Variants in FBN1 observed in about 807,000 individuals in gnomAD.
FBN1 encodes fibrillin 1.
FBN1 carries 29 observed loss-of-function variants against 365.1 expected under a neutral mutation model. The observed-to-expected ratio is 0.08, with a 90% CI of 0.06 to 0.11. The LOEUF is 0.11. Among genes scored for constraint, FBN1 ranks in the 10% least tolerant of loss-of-function variants. The probability of loss-of-function intolerance (pLI) is 1.00; values close to 1 mark genes in which losing one functional copy is unlikely to be tolerated. For missense variants in FBN1, 2,476 were observed against 3,703.2 expected, an observed-to-expected ratio of 0.67 and a Z score of 8.60; for synonymous variants, 1,210 against 1,270.5, an observed-to-expected ratio of 0.95 and a Z score of 1.01.
rs1566928785 is a variant in FBN1, at chr15:48,568,055, A to AGAAAGAAAGAG, written c.538+28227_538+28228insCTCTTTCTTTC. On this transcript the variant is annotated intron_variant, in intron 6 of 65. Transcript: ENST00000316623. The stretch of plus-strand genomic sequence containing the variant: ...AAAGAAAGAAAGAAAGAAAGAAGAA[A>AGAAAGAAAGAG]GAAAGAAAGAAAGAAAGAAAGAAAG... Among the ~76,000 whole-genome samples, 44 of 145,038 alleles carry AGAAAGAAAGAG rather than the reference A, an allele frequency of 3.0e-4. 2 individuals are homozygous for AGAAAGAAAGAG. Among genetic ancestry groups the AGAAAGAAAGAG allele is most frequent in the African/African-American group, 1.2e-3 (44 of 37,856 alleles).
intron 6 of FBN1, among the ~76,000 whole-genome samples, chr15:48,546,619 G>A (rs990571827): frequency 2.6e-5 from 4 of 152,188 alleles, no homozygotes; most frequent in Admixed American, 6.5e-5. Flanking sequence ...GATATGATGA[G>A]GAGTCTGGAT....
At chr15:48,545,103 A>G (rs923815699) in intron 6 of FBN1, among the ~76,000 whole-genome samples, 4 of 152,214 alleles carry the variant, frequency 2.6e-5, no homozygotes, top group East Asian at 1.9e-4. Context: ...ATAATATTGT[A>G]TAACAATTTA....
At chr15:48,639,276 C>G (rs1890155643) in intron 2 of FBN1, among the ~76,000 whole-genome samples, 2 of 152,150 alleles carry the variant, frequency 1.3e-5, no homozygotes, top group African/African-American at 4.8e-5. Flanking sequence ...TATGAAAGCA[C>G]CCAGCTTGTA....
chr15:48,439,293 A>G lies in FBN1; in HGVS notation c.6164-1376T>C, dbSNP rs922140610. Among the ~76,000 whole-genome samples the G allele has an allele frequency of 5.3e-5, 8 of 152,312 alleles. No individual in the cohort carries two copies. The East Asian group carries it at 1.4e-3, about 26-fold the overall frequency. ...CAGATAAATCATCTCTCTAATTTCT[A>G]TTCCACTTCCCCATCTGTTGTGGCA... On this transcript the variant is annotated intron_variant, in intron 50 of 65. Transcript: ENST00000316623.
intron 55 of FBN1, among the ~76,000 whole-genome samples, chr15:48,432,249 G>T (rs952868681): frequency 6.6e-6 from 1 of 152,006 alleles, no homozygotes; most frequent in East Asian, 1.9e-4. Flanking sequence ...TTATATTTAC[G>T]CCATCTTGAG....
chr15:48,638,778 A>T (rs1890146894), intron 2 of FBN1, among the ~76,000 whole-genome samples: 1 of 152,216 alleles, frequency 6.6e-6, no homozygotes. Flanking sequence ...AAAGAGAAAT[A>T]CTTCTTGCAA....
intron 13 of FBN1, 54 bp downstream of exon 13, chr15:48,513,495 A>G (rs768718602): frequency 5.0e-5 from 81 of 1,613,486 alleles, no homozygotes; most frequent in Non-Finnish European, 6.7e-5. Flanking sequence ...CTTTGAAGCC[A>G]ACCCCCAGTT....
chr15:48,469,841 G>C (rs536972260), intron 36 of FBN1, among the ~76,000 whole-genome samples: 2 of 152,222 alleles, frequency 1.3e-5, no homozygotes, highest in South Asian at 4.2e-4. Flanking sequence ...GAAAACCAAG[G>C]GAAGAATGTG....
chr15:48,587,402 T>C (rs915791906), intron 6 of FBN1, among the ~76,000 whole-genome samples: 1 of 152,218 alleles, frequency 6.6e-6, no homozygotes, highest in Non-Finnish European at 1.5e-5. Context: ...CAGACAGAAA[T>C]TGTACAGAAG....
At chr15:48,541,727 C>CTTT (rs61478233) in intron 6 of FBN1, among the ~76,000 whole-genome samples, 2,703 of 137,720 alleles carry the variant, frequency 0.02, 86 homozygotes, top group African/African-American at 0.064. Flanking sequence ...TTTACATACT[C>CTTT]TTTTTTTTTT....
chr15:48,469,078 A>AT lies in FBN1; in HGVS notation c.4460-545_4460-544insA, dbSNP rs1566904879. ...GCGAGACTCCGTCTCAAAAAAAAAA[A>AT]AATATATATATATATAAAATATAAT... On this transcript the variant is annotated intron_variant, in intron 36 of 65. Transcript: ENST00000316623. 7.4e-3 allele frequency among the ~76,000 whole-genome samples: 700 copies of AT among 94,936 alleles called. 11 individuals are homozygous for AT. Among genetic ancestry groups the AT allele is most frequent in the African/African-American group, 0.026 (637 of 24,850 alleles). 62.3% of individuals were successfully genotyped at this position (94,936 alleles called of 152,430 possible). A position where few individuals can be genotyped will look rare whatever the true frequency, so the allele number is the denominator to read the frequency against.
chr15:48,607,250 A>G (rs2044620545), intron 4 of FBN1, among the ~76,000 whole-genome samples: 2 of 151,766 alleles, frequency 1.3e-5, no homozygotes, highest in African/African-American at 4.8e-5. Flanking sequence ...AAACTGTAGG[A>G]ATTACAAAAT....
intron 38 of FBN1, 130 bp downstream of exon 38, chr15:48,467,808 G>A: frequency 1.2e-6 from 1 of 853,384 alleles, no homozygotes; most frequent in African/African-American, 1.7e-5. Flanking sequence ...TGGGAATAAG[G>A]TCCCCTCTAC....
chr15:48,462,351 C>CT (rs5812454), intron 42 of FBN1, among the ~76,000 whole-genome samples: 3,287 of 151,226 alleles, frequency 0.022, 127 homozygotes, highest in African/African-American at 0.075. Flanking sequence ...GCAATTTAGC[C>CT]TTTTTTTTTT....
chr15:48,628,813 C>T (rs551677431), intron 2 of FBN1, among the ~76,000 whole-genome samples: 41 of 152,106 alleles, frequency 2.7e-4, no homozygotes, highest in Admixed American at 5.9e-4. Context: ...ATCTAGAAAA[C>T]GATTATCAAT....
At chr15:48,499,993 A>G (rs1171049644) in intron 17 of FBN1, among the ~76,000 whole-genome samples, 1 of 152,210 alleles carries the variant, frequency 6.6e-6, no homozygotes, top group Admixed American at 6.5e-5. Context: ...TTGCATCCTG[A>G]TGACATTGGA....
At chr15:48,544,837 T>C (rs1426771180) in intron 6 of FBN1, among the ~76,000 whole-genome samples, 1 of 152,202 alleles carries the variant, frequency 6.6e-6, no homozygotes, top group Non-Finnish European at 1.5e-5. Flanking sequence ...CCTGTAAAGT[T>C]ATCTCTACTT....
At chr15:48,608,884 T>C (rs2044634470) in intron 4 of FBN1, among the ~76,000 whole-genome samples, 1 of 152,248 alleles carries the variant, frequency 6.6e-6, no homozygotes, top group Non-Finnish European at 1.5e-5. Context: ...TCATGATTTC[T>C]ACTCGATAGA....
intron 6 of FBN1, among the ~76,000 whole-genome samples, chr15:48,555,742 T>C (rs188688514): frequency 6.6e-5 from 10 of 152,262 alleles, no homozygotes; most frequent in African/African-American, 2.2e-4. Flanking sequence ...GTTAACTAGG[T>C]ATAAAAATTG....
Sources: allele counts gnomAD v4.1 joint callset (sites outside exome capture counted in the v4.1 genomes callset), GRCh38; gene constraint gnomAD v4.1.1; transcripts MANE v1.5; gene names NCBI Gene and HGNC (gene_info 2026-07-23, HGNC 2026-07-21).